Variants in FRMPD4 observed in about 807,000 individuals in gnomAD.
The protein encoded by FRMPD4 is FERM and PDZ domain-containing protein 4.
Under a neutral mutation model 94.1 loss-of-function variants are expected in FRMPD4, and 22 were observed. The ratio of observed to expected loss-of-function variants is 0.23; its 90% confidence interval spans 0.17 to 0.33. The LOEUF (loss-of-function observed/expected upper bound fraction) is 0.33. Among genes scored for constraint, FRMPD4 ranks in the 10% least tolerant of loss-of-function variants. The pLI is 1.00. For synonymous variants in FRMPD4, 631 were observed against 548.6 expected (o/e 1.15, Z -2.10); for missense variants, 1,111 against 1,339.9 (o/e 0.83, Z 2.67).
At chrX:12,426,979 C>T (rs1029710995) in intron 1 of FRMPD4, among the ~76,000 whole-genome samples, 1 of 109,798 alleles carries the variant, frequency 9.1e-6, no homozygotes, top group African/African-American at 3.3e-5. Flanking sequence ...TCTCTGAAAA[C>T]GAGTATCATA....
intron 3 of FRMPD4, among the ~76,000 whole-genome samples, chrX:11,907,889 T>G (rs1235320748): frequency 9.0e-6 from 1 of 111,129 alleles, no homozygotes; most frequent in East Asian, 2.8e-4. Context: ...TTCCACCTCT[T>G]CCTTACTCCC....
intron 1 of FRMPD4, among the ~76,000 whole-genome samples, chrX:12,465,329 A>C (rs760574886): frequency 8.9e-6 from 1 of 111,881 alleles, no homozygotes; most frequent in East Asian, 2.8e-4. Flanking sequence ...ACATAATCCC[A>C]AGCCAGGAAG....
intron 3 of FRMPD4, among the ~76,000 whole-genome samples, chrX:11,976,270 C>A (rs1371399387): frequency 8.9e-6 from 1 of 111,783 alleles, no homozygotes; most frequent in African/African-American, 3.3e-5. Flanking sequence ...ATCACACACA[C>A]AAAAATTAAA....
intron 1 of FRMPD4, among the ~76,000 whole-genome samples, chrX:12,347,589 A>C (rs947513698): frequency 2.9e-4 from 32 of 112,110 alleles, no homozygotes; most frequent in Admixed American, 2.5e-3. Flanking sequence ...CCCCAGAATT[A>C]GTTTAATTAT....
chrX:11,935,269 G>GT (rs1234166611), intron 3 of FRMPD4, among the ~76,000 whole-genome samples: 1,724 of 4,973 alleles, frequency 0.35, 702 homozygotes, highest in Admixed American at 0.4. Flanking sequence ...TTTTTAATGT[G>GT]TTTTTTTTTT....
chrX:12,677,613 A>T (rs2059912976), intron 5 of FRMPD4, among the ~76,000 whole-genome samples: 1 of 112,472 alleles, frequency 8.9e-6, no homozygotes, highest in Non-Finnish European at 1.9e-5. Context: ...TATTACAGAC[A>T]ATAAAAATTA....
At chrX:12,293,100 A>G (rs2054714356) in intron 1 of FRMPD4, among the ~76,000 whole-genome samples, 1 of 111,100 alleles carries the variant, frequency 9.0e-6, no homozygotes, top group African/African-American at 3.3e-5. Flanking sequence ...ATTTTTGGCT[A>G]TTTCAAGTAT....
At chrX:12,179,831 C>A (rs1161066254) in intron 1 of FRMPD4, among the ~76,000 whole-genome samples, 2 of 109,934 alleles carry the variant, frequency 1.8e-5, no homozygotes, top group Non-Finnish European at 3.8e-5. Flanking sequence ...CCCACATAGC[C>A]TCTGTTGTGT....
At chrX:12,483,709 T>C (rs962072933) in intron 1 of FRMPD4, among the ~76,000 whole-genome samples, 3 of 112,047 alleles carry the variant, frequency 2.7e-5, no homozygotes, top group Non-Finnish European at 5.6e-5. Flanking sequence ...TATTATTTTG[T>C]GAACCCATGC....
At position 12,653,926 on chromosome X, in the gene FRMPD4, C is replaced by T. The variant is rs367656735; in HGVS notation, c.423-20937C>T. On this transcript the variant is annotated intron_variant, in intron 4 of 16. Coordinates refer to ENST00000675598, the MANE Select transcript of FRMPD4 (RefSeq NM_001368397.1). ...GGGATTACAGGCATGTGCCACCATG[C>T]CCAGCTAATTTTGTATTTTTAGTAG... 9.9e-5 allele frequency among the ~76,000 whole-genome samples: 11 copies of T among 111,648 alleles called. No homozygotes were observed. The East Asian group carries it at 1.1e-3, about 11-fold the overall frequency.
At chrX:12,321,927 G>A (rs909026366) in intron 1 of FRMPD4, among the ~76,000 whole-genome samples, 4 of 111,878 alleles carry the variant, frequency 3.6e-5, no homozygotes, top group African/African-American at 1.3e-4. Context: ...GGCACAGCAC[G>A]TTCACATCAG....
chrX:12,516,052 T>G (rs1318943081), intron 2 of FRMPD4, among the ~76,000 whole-genome samples: 1 of 112,147 alleles, frequency 8.9e-6, no homozygotes, highest in Non-Finnish European at 1.9e-5. Flanking sequence ...ATTTGCTTGA[T>G]AAATTTTTTT....
intron 3 of FRMPD4, among the ~76,000 whole-genome samples, chrX:11,935,095 T>TTTTTAA (rs869047289): frequency 4.1e-5 from 2 of 49,004 alleles, no homozygotes; most frequent in African/African-American, 1.2e-4. Flanking sequence ...TTTTTTTTTT[T>TTTTTAA]AAATTTAACA....
At chrX:12,672,039 C>A (rs1438801909) in intron 4 of FRMPD4, among the ~76,000 whole-genome samples, 2 of 112,224 alleles carry the variant, frequency 1.8e-5, no homozygotes, top group Non-Finnish European at 3.8e-5. Context: ...GCCTAGGAAG[C>A]CTGCAGTGGG....
At position 12,533,741 on chromosome X, in the gene FRMPD4, T is replaced by C. The variant is rs759363839; in HGVS notation, c.158+34945T>C. Among the ~76,000 whole-genome samples, 17 of 112,359 alleles carry C rather than the reference T, an allele frequency of 1.5e-4. No individual in the cohort carries two copies. In the South Asian group the frequency reaches 5.9e-3, roughly 39 times the overall value. On this transcript the variant is annotated intron_variant, in intron 2 of 16. Coordinates refer to ENST00000675598, the MANE Select transcript of FRMPD4 (RefSeq NM_001368397.1). ...CTTCAGAGAGATGGTTTAGGGTATC[T>C]GGCAGAAGAAATTTCTAAGCAGCAA...
intron 3 of FRMPD4, among the ~76,000 whole-genome samples, chrX:12,111,278 C>A (rs1325918659): frequency 4.5e-5 from 5 of 111,459 alleles, no homozygotes; most frequent in Non-Finnish European, 9.4e-5. Context: ...CATCTACAAC[C>A]ATCTGATCTT....
intron 3 of FRMPD4, among the ~76,000 whole-genome samples, chrX:12,034,371 C>T (rs1360731663): frequency 8.9e-6 from 1 of 111,819 alleles, no homozygotes; most frequent in Non-Finnish European, 1.9e-5. Context: ...AATTTTCCTA[C>T]CTCAAATGTC....
At chrX:12,441,663 T>C (rs895175743) in intron 1 of FRMPD4, among the ~76,000 whole-genome samples, 1 of 112,105 alleles carries the variant, frequency 8.9e-6, no homozygotes, top group Admixed American at 9.5e-5. Context: ...GCAAGACACA[T>C]TGGAGTATTT....
At chrX:12,587,133 C>T (rs1242290595) in intron 2 of FRMPD4, among the ~76,000 whole-genome samples, 1 of 110,147 alleles carries the variant, frequency 9.1e-6, no homozygotes, top group Non-Finnish European at 1.9e-5. Context: ...CGCGCCACCA[C>T]GCCTATCTAA....
Sources: allele counts gnomAD v4.1 joint callset (sites outside exome capture counted in the v4.1 genomes callset), GRCh38; gene constraint gnomAD v4.1.1; transcripts MANE v1.5; gene names NCBI Gene and HGNC (gene_info 2026-07-23, HGNC 2026-07-21).